The following SCAPER variants were observed in gnomAD, a reference collection of about 807,000 sequenced individuals.
The protein encoded by SCAPER is S phase cyclin A-associated protein in the endoplasmic reticulum.
A neutral mutation model predicts 182.2 loss-of-function variants in SCAPER; 98 were observed. The observed-to-expected ratio is 0.54, with a 90% confidence interval of 0.46 to 0.64. The LOEUF (loss-of-function observed/expected upper bound fraction) is 0.64. Among genes scored for constraint, SCAPER ranks in the 30% least tolerant of loss-of-function variants. The pLI is 0.00. For missense variants in SCAPER, 1,432 were observed against 1,690.0 expected, an observed-to-expected ratio of 0.85 and a Z score of 2.68; for synonymous variants, 605 against 564.6, an observed-to-expected ratio of 1.07 and a Z score of -1.01.
intron 21 of SCAPER, among the ~76,000 whole-genome samples, chr15:76,639,592 C>T (rs748594232): frequency 3.9e-5 from 6 of 152,250 alleles, no homozygotes; most frequent in South Asian, 2.1e-4. Flanking sequence ...ACTATTTACA[C>T]ACAGCCAAAA....
At chr15:76,805,000 G>C (rs1451887282) in intron 5 of SCAPER, among the ~76,000 whole-genome samples, 1 of 152,048 alleles carries the variant, frequency 6.6e-6, no homozygotes, top group East Asian at 1.9e-4. Flanking sequence ...CTTAAGTCCA[G>C]GAGTTCAAGA....
chr15:76,638,506 C>A (rs1201286324), intron 21 of SCAPER, among the ~76,000 whole-genome samples: 5 of 152,104 alleles, frequency 3.3e-5, no homozygotes, highest in East Asian at 1.9e-4. Flanking sequence ...TGGTTGATAT[C>A]TTTTACCAGA....
At chr15:76,402,469 T>C (rs1426525126) in intron 27 of SCAPER, among the ~76,000 whole-genome samples, 4 of 152,146 alleles carry the variant, frequency 2.6e-5, no homozygotes, top group African/African-American at 9.7e-5. Context: ...TCTCAACTGA[T>C]TTTTTTCCTT....
intron 17 of SCAPER, among the ~76,000 whole-genome samples, chr15:76,713,545 C>T (rs957795335): frequency 3.6e-4 from 54 of 151,886 alleles, no homozygotes; most frequent in African/African-American, 1.3e-3. Flanking sequence ...AACCAAACAC[C>T]GCATGTTCTT....
chr15:76,803,794 T>C lies in SCAPER; in HGVS notation c.494+739A>G, dbSNP rs144689540. Among the ~76,000 whole-genome samples, 607 of 152,288 alleles carry C rather than the reference T, an allele frequency of 4.0e-3. 5 individuals carry two copies. Among genetic ancestry groups the C allele is most frequent in the African/African-American group, 0.012 (512 of 41,556 alleles). ...GCCCCCACCTCTTAATACTATCACA[T>C]TGGTGATTAAATTTCAACATATGAA... On this transcript the variant is annotated intron_variant, in intron 6 of 31. Transcript: ENST00000563290.
chr15:76,802,683 G>A (rs774340495), intron 6 of SCAPER, among the ~76,000 whole-genome samples: 1 of 152,180 alleles, frequency 6.6e-6, no homozygotes, highest in Non-Finnish European at 1.5e-5. Flanking sequence ...CTGACTGCCT[G>A]TAGGGCTGAC....
intron 23 of SCAPER, among the ~76,000 whole-genome samples, chr15:76,512,612 T>G (rs758374700): frequency 6.6e-6 from 1 of 151,738 alleles, no homozygotes; most frequent in African/African-American, 2.4e-5. Context: ...GGAAAAGGAC[T>G]GAGTAAAAGC....
intron 16 of SCAPER, among the ~76,000 whole-genome samples, chr15:76,731,418 C>T (rs2060915438): frequency 6.6e-6 from 1 of 152,098 alleles, no homozygotes; most frequent in Admixed American, 6.5e-5. Context: ...CCAATAACAG[C>T]AAACTGAGAA....
chr15:76,621,016 A>T (rs958649090), intron 22 of SCAPER, among the ~76,000 whole-genome samples: 24 of 152,222 alleles, frequency 1.6e-4, no homozygotes, highest in African/African-American at 5.8e-4. Flanking sequence ...AAATTAAAAA[A>T]AAATTTTTAA....
At chr15:76,848,268 G>A (rs769139378) in intron 4 of SCAPER, among the ~76,000 whole-genome samples, 1 of 151,530 alleles carries the variant, frequency 6.6e-6, no homozygotes, top group African/African-American at 2.4e-5. Flanking sequence ...CCAAAGTGCT[G>A]GGATTACAGG....
chr15:76,773,517 A>G (rs970105091), intron 9 of SCAPER, among the ~76,000 whole-genome samples: 1 of 151,968 alleles, frequency 6.6e-6, no homozygotes, highest in Non-Finnish European at 1.5e-5. Context: ...TTACAACACT[A>G]AAGAGTTTCT....
intron 5 of SCAPER, among the ~76,000 whole-genome samples, chr15:76,835,718 A>G (rs1207169455): frequency 6.6e-6 from 1 of 152,138 alleles, no homozygotes; most frequent in Non-Finnish European, 1.5e-5. Context: ...AGAATAAAAT[A>G]AAAGGCATCC....
At chr15:76,711,582 T>G (rs75701220) in intron 17 of SCAPER, among the ~76,000 whole-genome samples, 237 of 152,284 alleles carry the variant, frequency 1.6e-3, no homozygotes, top group Non-Finnish European at 1.9e-3. Flanking sequence ...GATGGCTATG[T>G]AAAATGAACA....
intron 1 of SCAPER, among the ~76,000 whole-genome samples, chr15:76,895,508 G>GAA (rs56350083): frequency 1.3e-5 from 2 of 148,450 alleles, no homozygotes; most frequent in African/African-American, 2.5e-5. Flanking sequence ...TCTTGACTAA[G>GAA]AAAAAAAATA....
rs369748769 is a variant in SCAPER, at chr15:76,753,898, C to T, written c.1776G>A (p.Arg592=). 2 of 1,612,998 alleles carry T rather than the reference C, an allele frequency of 1.2e-6. No homozygotes were observed. Among genetic ancestry groups the T allele is most frequent in the African/African-American group, 2.7e-5 (2 of 74,890 alleles). Residue 592 remains arginine (R), a synonymous_variant, in exon 15 of 32, where the codon AGG becomes AGA. Transcript: ENST00000563290. ...CATGAAGTAATTTTTCTTCCATCAT[C>T]CTGCGTCGTTGATCTAGCAATTCTT... ...WKEELLDQRR[R]MMEEKLLHAE... is the part of the protein sequence containing the mutation.
intron 22 of SCAPER, among the ~76,000 whole-genome samples, chr15:76,611,768 C>A (rs906242885): frequency 5.3e-5 from 8 of 152,138 alleles, no homozygotes; most frequent in Non-Finnish European, 1.0e-4. Context: ...GCTTCAACCC[C>A]AGGATGCAAG....
intron 22 of SCAPER, among the ~76,000 whole-genome samples, chr15:76,574,583 A>G (rs892952084): frequency 2.6e-5 from 4 of 152,218 alleles, no homozygotes; most frequent in Non-Finnish European, 5.9e-5. Context: ...GAACAGAATT[A>G]GGAAGGGGGA....
chr15:76,704,642 C>A (rs2059147225), intron 18 of SCAPER, among the ~76,000 whole-genome samples: 1 of 152,036 alleles, frequency 6.6e-6, no homozygotes, highest in African/African-American at 2.4e-5. Context: ...TCGCAACCTG[C>A]TCATCTGACA....
intron 17 of SCAPER, among the ~76,000 whole-genome samples, chr15:76,725,430 C>T (rs746031052): frequency 7.2e-6 from 1 of 139,152 alleles, no homozygotes; most frequent in African/African-American, 2.5e-5. Context: ...AAAAAAAAAG[C>T]CATACTTCCC....
Sources: allele counts gnomAD v4.1 joint callset (sites outside exome capture counted in the v4.1 genomes callset), GRCh38; gene constraint gnomAD v4.1.1; transcripts MANE v1.5; gene names NCBI Gene and HGNC (gene_info 2026-07-23, HGNC 2026-07-21).